Variants in HIGD1C observed in about 807,000 individuals in gnomAD.
HIGD1C encodes the protein HIG1 hypoxia inducible domain family member 1C, also known as HIG1 domain family member 1C.
A neutral mutation model predicts 13.1 loss-of-function variants in HIGD1C; 11 were observed. The ratio of observed to expected loss-of-function variants is 0.84; its 90% CI spans 0.53 to 1.39. HIGD1C has a LOEUF of 1.39. HIGD1C is among the 40% of genes most tolerant of loss of function. The pLI, the probability that HIGD1C is intolerant of heterozygous loss-of-function variation, is 0.00. For missense variants in HIGD1C, 110 were observed against 112.0 expected, an observed-to-expected ratio of 0.98 and a Z score of 0.08; for synonymous variants, 36 against 37.7, an observed-to-expected ratio of 0.95 and a Z score of 0.17.
intron 1 of HIGD1C, among the ~76,000 whole-genome samples, chr12:50,954,974 A>C (rs983370679): frequency 6.6e-6 from 1 of 150,652 alleles, no homozygotes; most frequent in Non-Finnish European, 1.5e-5. Context: ...TTGATGGCAA[A>C]ATAAATTCTG....
In HIGD1C at chr12:50,960,805, C is replaced by A. The variant is rs979065235; in HGVS notation, c.95-163C>A. Among the ~76,000 whole-genome samples the A allele has an allele frequency of 3.9e-5, 6 of 151,986 alleles. No homozygotes were observed. The South Asian group carries it at 6.2e-4, about 16-fold the overall frequency. ...TCAAGGGATCCTCCTGCCTCAGCCT[C>A]CTGAGTAGCTGGGACTACAGACGTG... is the stretch of plus-strand genomic sequence containing the variant. On this transcript the variant is annotated intron_variant, in intron 1 of 2. Transcript: ENST00000398455.
intron 2 of HIGD1C, among the ~76,000 whole-genome samples, chr12:50,964,778 G>C (rs1176065098): frequency 6.6e-6 from 1 of 152,238 alleles, no homozygotes; most frequent in Non-Finnish European, 1.5e-5. Context: ...CTGGATAGCA[G>C]AGTGACCACC....
chr12:50,943,686 G>C, the HIGD1C span, among the ~76,000 whole-genome samples: 1 of 151,678 alleles, frequency 6.6e-6, no homozygotes, highest in Non-Finnish European at 1.5e-5. Flanking sequence ...CTCCAGCCTG[G>C]GTGACAGCGA....
chr12:50,966,914 G>A (rs143458806), intron 2 of HIGD1C, among the ~76,000 whole-genome samples: 70 of 152,160 alleles, frequency 4.6e-4, no homozygotes, highest in South Asian at 3.5e-3. Flanking sequence ...TCAGGAGTTC[G>A]AGAACAGCCT....
intron 1 of HIGD1C, among the ~76,000 whole-genome samples, chr12:50,959,930 A>G (rs1016704246): frequency 2.6e-5 from 4 of 152,202 alleles, no homozygotes; most frequent in Admixed American, 1.3e-4. Flanking sequence ...GATTACAGGC[A>G]TGAGCCACTG....
the HIGD1C span, among the ~76,000 whole-genome samples, chr12:50,948,169 T>G: frequency 6.6e-6 from 1 of 152,232 alleles, no homozygotes; most frequent in African/African-American, 2.4e-5. Flanking sequence ...ACATGATCAC[T>G]TGACTCAGAA....
At chr12:50,969,497 C>G (rs1376239914) in intron 2 of HIGD1C, among the ~76,000 whole-genome samples, 3 of 152,000 alleles carry the variant, frequency 2.0e-5, no homozygotes, top group Admixed American at 6.6e-5. Flanking sequence ...GTCAGGAGTT[C>G]AAGACCGGCC....
chr12:50,972,121 G>A (rs1475130556), downstream of HIGD1C, among the ~76,000 whole-genome samples: 2 of 152,218 alleles, frequency 1.3e-5, no homozygotes, highest in African/African-American at 4.8e-5. Flanking sequence ...ACTGAGGACA[G>A]CTGGCATGGA....
At chr12:50,938,226 GT>G in the HIGD1C span, among the ~76,000 whole-genome samples, 1 of 146,588 alleles carries the variant, frequency 6.8e-6, no homozygotes, top group African/African-American at 2.5e-5. Context: ...ACACCCCTCG[GT>G]GTCCAAAGTC....
At chr12:50,938,596 G>T in the HIGD1C span, among the ~76,000 whole-genome samples, 11 of 152,178 alleles carry the variant, frequency 7.2e-5, no homozygotes, top group African/African-American at 2.7e-4. Context: ...CCCTGGCCAT[G>T]CCTCCCCTAC....
chr12:50,936,465 G>T, the HIGD1C span, among the ~76,000 whole-genome samples: 2 of 152,008 alleles, frequency 1.3e-5, no homozygotes, highest in Admixed American at 1.3e-4. Context: ...TACAAGACAG[G>T]GATAATTATC....
At chr12:50,972,352 G>A (rs77677383), downstream of HIGD1C, among the ~76,000 whole-genome samples, 198 of 152,294 alleles carry the variant, frequency 1.3e-3, 6 homozygotes, top group East Asian at 0.036. Context: ...GCAATGCTAA[G>A]TATTCATTTG....
upstream of HIGD1C, among the ~76,000 whole-genome samples, chr12:50,953,100 T>C (rs745498667): frequency 5.3e-5 from 8 of 151,850 alleles, no homozygotes; most frequent in Non-Finnish European, 1.2e-4. Context: ...AGCCGACCAC[T>C]CCCCCAGTCC....
the HIGD1C span, among the ~76,000 whole-genome samples, chr12:50,942,498 A>G: frequency 6.6e-6 from 1 of 152,212 alleles, no homozygotes; most frequent in African/African-American, 2.4e-5. Context: ...ACCTAAATAA[A>G]AAATCACTTC....
intron 2 of HIGD1C, among the ~76,000 whole-genome samples, chr12:50,963,095 C>G (rs951186707): frequency 6.6e-5 from 10 of 151,952 alleles, no homozygotes; most frequent in African/African-American, 9.7e-5. Context: ...GTAGGCCAGG[C>G]ATGGTGGTTT....
At chr12:50,946,973 G>T in the HIGD1C span, among the ~76,000 whole-genome samples, 1 of 152,128 alleles carries the variant, frequency 6.6e-6, no homozygotes, top group Non-Finnish European at 1.5e-5. Flanking sequence ...TGTAATATCT[G>T]ATTCTCATGT....
the HIGD1C span, among the ~76,000 whole-genome samples, chr12:50,941,362 G>A: frequency 0.18 from 26,968 of 152,140 alleles, 2,445 homozygotes; most frequent in South Asian, 0.27. Context: ...GTCAGCCCAC[G>A]TTTTTGCCAC....
intron 1 of HIGD1C, among the ~76,000 whole-genome samples, chr12:50,958,648 A>G (rs1042485582): frequency 1.3e-5 from 2 of 152,108 alleles, no homozygotes; most frequent in Non-Finnish European, 2.9e-5. Flanking sequence ...AAGGCTTACT[A>G]TATTGCTACA....
the HIGD1C span, among the ~76,000 whole-genome samples, chr12:50,943,846 G>C: frequency 6.6e-6 from 1 of 152,024 alleles, no homozygotes; most frequent in Non-Finnish European, 1.5e-5. Context: ...TAAGTGTCCT[G>C]ATGGCAACAC....
Sources: gnomAD v4.1 joint callset for allele counts (sites outside exome capture counted in the v4.1 genomes callset) on GRCh38, gnomAD v4.1.1 for gene constraint, MANE v1.5 for transcripts, NCBI Gene and HGNC (gene_info 2026-07-23, HGNC 2026-07-21) for gene names.